Variants in PATE1 observed in about 807,000 individuals in gnomAD.
The protein encoded by PATE1 is prostate and testis expressed 1.
A neutral mutation model predicts 13.1 loss-of-function variants in PATE1; 21 were observed. The ratio of observed to expected loss-of-function variants is 1.61; its 90% CI spans 1.14 to 2.31. PATE1 has a LOEUF of 2.31. PATE1 is among the 30% of genes most tolerant of loss of function. PATE1 has a pLI of 0.00. For synonymous variants in PATE1, 52 were observed against 47.1 expected, an observed-to-expected ratio of 1.10 and a Z score of -0.43; for missense variants, 166 against 147.2, an observed-to-expected ratio of 1.13 and a Z score of -0.66.
At chr11:125,747,024 C>G (rs1943278194) in intron 2 of PATE1, among the ~76,000 whole-genome samples, 1 of 152,144 alleles carries the variant, frequency 6.6e-6, no homozygotes, top group Non-Finnish European at 1.5e-5. Context: ...AGGTTGTCCC[C>G]ATTGTCAGAT....
At position 125,746,346 on chromosome 11, in the gene PATE1, C is replaced by T. The variant is rs1565413592; in HGVS notation, c.42C>T (p.Cys14=). ...SLLLELPILL[C]CFRALSGSLS... is the part of the protein sequence containing the mutation. Reference sequence around the variant, plus strand: ...TGCTGGAACTCCCCATCCTGCTCTGCTGCTTTAGGGGTGAGTCCCTAGGGT... The same window carrying T: ...TGCTGGAACTCCCCATCCTGCTCTGTTGCTTTAGGGGTGAGTCCCTAGGGT... The change falls in exon 1 of 5, where the codon TGC becomes TGT. Residue 14 remains cysteine, a synonymous_variant. Coordinates refer to ENST00000305738, the MANE Select transcript of PATE1 (RefSeq NM_138294.3). 1 of 1,613,926 alleles carries T rather than the reference C, an allele frequency of 6.2e-7. No individual in the cohort carries two copies. Among genetic ancestry groups the T allele is most frequent in the Non-Finnish European group, 8.5e-7 (1 of 1,179,854 alleles).
intron 2 of PATE1, among the ~76,000 whole-genome samples, chr11:125,747,062 C>T (rs1943278550): frequency 6.6e-6 from 1 of 152,118 alleles, no homozygotes; most frequent in Non-Finnish European, 1.5e-5. Context: ...AAGAGTGCCA[C>T]ACAGAGTCAA....
In PATE1 at chr11:125,746,334, C is replaced by T. The variant is rs747049911; in HGVS notation, c.30C>T (p.Pro10=). 1 of 1,613,954 alleles carries T rather than the reference C, an allele frequency of 6.2e-7. No homozygotes were observed. Among genetic ancestry groups the T allele is most frequent in the Admixed American group, 1.7e-5 (1 of 60,004 alleles). The part of the protein sequence containing the change: MDKSLLLEL[P]ILLCCFRALS... ...ACAAGTCCCTCTTGCTGGAACTCCC[C>T]ATCCTGCTCTGCTGCTTTAGGGGTG... The change falls in exon 1 of 5, where the codon CCC becomes CCT. Residue 10 remains proline, a synonymous_variant. Transcript: ENST00000305738.
At position 125,746,316 on chromosome 11, in the gene PATE1, C is replaced by T; in HGVS notation, c.12C>T (p.Ser4=). Residue 4 remains serine, a synonymous_variant, in exon 1 of 5, where the codon TCC becomes TCT. Coordinates refer to ENST00000305738, the MANE Select transcript of PATE1 (RefSeq NM_138294.3). ...TCCCTCTTTCCAAAATGGACAAGTC[C>T]CTCTTGCTGGAACTCCCCATCCTGC... MDK[S]LLLELPILLC... 1 of 1,613,920 alleles carries T rather than the reference C, an allele frequency of 6.2e-7. No homozygotes were observed. The highest frequency in any genetic ancestry group is 8.5e-7 in the Non-Finnish European group (1 of 1,179,868).
At chr11:125,747,629 A>C in intron 3 of PATE1, 71 bp from the exon 4 acceptor site, 1 of 1,595,276 alleles carries the variant, frequency 6.3e-7, no homozygotes, top group Non-Finnish European at 8.5e-7. Flanking sequence ...CTTCTAACCC[A>C]AAAGGGGAGA....
At chr11:125,746,907 G>A (rs1360861966) in intron 2 of PATE1, among the ~76,000 whole-genome samples, 1 of 152,186 alleles carries the variant, frequency 6.6e-6, no homozygotes, top group Non-Finnish European at 1.5e-5. Context: ...GACAAGGTCA[G>A]GAGTGAGCGT....
Position 125,747,835 on chromosome 11 carries a change from T to A in PATE1, c.247+13T>A. The A allele has an allele frequency of 6.2e-7, 1 of 1,613,310 alleles. No individual in the cohort carries two copies. Among genetic ancestry groups the A allele is most frequent in the Non-Finnish European group, 8.5e-7 (1 of 1,179,568 alleles). ...AGGATGTTCAAAAGTAAGTTGTGGGTTGGGGAAAAGAAGAACGGGCAGAGG... is the reference window on the plus strand; with the variant it reads ...AGGATGTTCAAAAGTAAGTTGTGGGATGGGGAAAAGAAGAACGGGCAGAGG... On this transcript the variant is annotated intron_variant, in intron 4 of 4. Coordinates refer to ENST00000305738, the MANE Select transcript of PATE1 (RefSeq NM_138294.3).
chr11:125,747,756 T>C lies in PATE1; in HGVS notation c.181T>C (p.Ser61Pro), dbSNP rs769021269. The stretch of plus-strand genomic sequence containing the variant: ...CCTCCAGTTCCCAGGAGAAAAGTGC[T>C]CCAGAGGAAGAGGAATATGCACAGC... ...CHLQFPGEKC[S>P]RGRGICTATT... is the part of the protein sequence containing the mutation. Residue 61 changes from serine to proline, a missense_variant, in exon 4 of 5, where the codon TCC becomes CCC. Transcript: ENST00000305738. 3 of 1,613,862 alleles carry C rather than the reference T, an allele frequency of 1.9e-6. No homozygotes were observed. In the East Asian group the frequency reaches 6.7e-5, roughly 36 times the overall value.
At position 125,747,377 on chromosome 11, in the gene PATE1, C is replaced by G; in HGVS notation, c.90C>G (p.Val30=). The change falls in exon 3 of 5, where the codon GTC becomes GTG. Residue 30 remains valine, a splice_region_variant and synonymous_variant. Coordinates refer to ENST00000305738, the MANE Select transcript of PATE1 (RefSeq NM_138294.3). ...GTTTTCTTTCTCTTGCCAGTACAGTCAATGAAATAGTTGCTGTGAAAAACA... is the reference window on the plus strand; with the variant it reads ...GTTTTCTTTCTCTTGCCAGTACAGTGAATGAAATAGTTGCTGTGAAAAACA... ...SGSLSMRNDA[V]NEIVAVKNNF... The G allele has an allele frequency of 6.2e-7, 1 of 1,611,876 alleles. No homozygotes were observed. Among genetic ancestry groups the G allele is most frequent in the Non-Finnish European group, 8.5e-7 (1 of 1,179,496 alleles).
intron 1 of PATE1, 31 bp downstream of exon 1, chr11:125,746,387 G>C (rs372683756): frequency 1.5e-5 from 24 of 1,609,354 alleles, no homozygotes; most frequent in Non-Finnish European, 1.7e-5. Flanking sequence ...GCTGGTAAGA[G>C]TCCTGAATTT....
chr11:125,747,608 C>T, intron 3 of PATE1, 92 bp from the exon 4 acceptor site: 1 of 1,559,126 alleles, frequency 6.4e-7, no homozygotes. Flanking sequence ...AGCCCTGTGG[C>T]TCTAGGCAGA....
intron 4 of PATE1, 49 bp from the exon 5 acceptor site, chr11:125,748,551 A>G: frequency 6.3e-7 from 1 of 1,591,894 alleles, no homozygotes; most frequent in Non-Finnish European, 8.5e-7. Context: ...GTTTTTTAGC[A>G]GAACTTTCAT....
chr11:125,748,589 C>A lies in PATE1; in HGVS notation c.248-11C>A. 1 of 1,607,782 alleles carries A rather than the reference C, an allele frequency of 6.2e-7. No homozygotes were observed. Among genetic ancestry groups the A allele is most frequent in the East Asian group, 2.2e-5 (1 of 44,834 alleles). On this transcript the variant is annotated splice_polypyrimidine_tract_variant and intron_variant, in intron 4 of 4. Coordinates refer to ENST00000305738, the MANE Select transcript of PATE1 (RefSeq NM_138294.3). ...CCAGGCTTCCTGATCTGTTTTTTCT[C>A]CCCTCCACAGGGGATGGTAATCCCT...
chr11:125,748,643 C>T lies in PATE1; in HGVS notation c.291C>T (p.Asn97=), dbSNP rs777286997. The change falls in exon 5 of 5, where the codon AAC becomes AAT. Residue 97 remains asparagine, a synonymous_variant. Transcript: ENST00000305738. ...TAACCTTCATGGGCTGCCTAAAGAA[C>T]TGTGCTGATGTGAAAGGCATAAGGT... ...PWLTFMGCLK[N]CADVKGIRWS... 1 of 1,613,906 alleles carries T rather than the reference C, an allele frequency of 6.2e-7. No homozygotes were observed. Among genetic ancestry groups the T allele is most frequent in the South Asian group, 1.1e-5 (1 of 91,054 alleles).
intron 4 of PATE1, 25 bp from the exon 5 acceptor site, chr11:125,748,575 G>T (rs1406885193): frequency 6.2e-7 from 1 of 1,607,080 alleles, no homozygotes; most frequent in Admixed American, 1.7e-5. Context: ...CAGGCTTCCT[G>T]ATCTGTTTTT....
rs535761361 is a variant in PATE1 at position 125,748,884 on chromosome 11, G to C, written c.*151G>C. On this transcript the variant is annotated 3_prime_UTR_variant, in exon 5 of 5. Coordinates refer to ENST00000305738, the MANE Select transcript of PATE1 (RefSeq NM_138294.3). ...TGGCTCCATCTTCTGCACACGAAAGGAAAGTCCCTCTCCTTTTCTACAGTC... is the reference window on the plus strand; with the variant it reads ...TGGCTCCATCTTCTGCACACGAAAGCAAAGTCCCTCTCCTTTTCTACAGTC... 44 of 935,922 alleles carry C rather than the reference G, an allele frequency of 4.7e-5. No homozygotes were observed. Among genetic ancestry groups the C allele is most frequent in the Non-Finnish European group, 3.1e-6 (2 of 642,642 alleles). 58.0% of individuals were successfully genotyped at this position (935,922 alleles called of 1,614,324 possible). A position where few individuals can be genotyped will look rare whatever the true frequency, so the allele number is the denominator to read the frequency against.
Position 125,747,803 on chromosome 11 carries a change from G to C in PATE1, c.228G>C (p.Met76Ile). The C allele has an allele frequency of 6.2e-7, 1 of 1,613,838 alleles. No individual in the cohort carries two copies. Among genetic ancestry groups the C allele is most frequent in the South Asian group, 1.1e-5 (1 of 91,074 alleles). The part of the protein sequence containing the change: ...ICTATTEEAC[M>I]VGRMFKRDGN... ...CAGCAACAACAGAAGAGGCCTGCAT[G>C]GTTGGAAGGATGTTCAAAAGTAAGT... The change falls in exon 4 of 5, where the codon ATG becomes ATC. Residue 76 changes from methionine (M) to isoleucine (I), a missense_variant. Met to Ile is a conservative substitution (Grantham distance 10, BLOSUM62 1). Transcript: ENST00000305738.
intron 2 of PATE1, 138 bp from the exon 3 acceptor site, chr11:125,747,238 T>G (rs2134164720): frequency 2.8e-6 from 2 of 721,890 alleles, no homozygotes; most frequent in Non-Finnish European, 4.8e-6. Context: ...TGACTAGGCA[T>G]TAGGGGGACA....
Position 125,747,796 on chromosome 11 carries a change from C to G in PATE1, c.221C>G (p.Ala74Gly), listed in dbSNP as rs12286611. 1.8e-3 allele frequency: 2,834 copies of G among 1,613,782 alleles called. 39 individuals are homozygous for G. The African/African-American group carries it at 0.028, about 16-fold the overall frequency. Residue 74 changes from alanine to glycine, a missense_variant, in exon 4 of 5, where the codon GCC becomes GGC. By Grantham distance (60) the Ala-to-Gly change is moderately conservative (BLOSUM62 0). Coordinates refer to ENST00000305738, the MANE Select transcript of PATE1 (RefSeq NM_138294.3). Reference sequence around the variant, plus strand: ...ATATGCACAGCAACAACAGAAGAGGCCTGCATGGTTGGAAGGATGTTCAAA... The same window carrying G: ...ATATGCACAGCAACAACAGAAGAGGGCTGCATGGTTGGAAGGATGTTCAAA... The part of the protein sequence containing the change: ...RGICTATTEE[A>G]CMVGRMFKRD...
Sources: gnomAD v4.1 joint callset for allele counts (sites outside exome capture counted in the v4.1 genomes callset) on GRCh38, gnomAD v4.1.1 for gene constraint, MANE v1.5 for transcripts, NCBI Gene and HGNC (gene_info 2026-07-23, HGNC 2026-07-21) for gene names.